DMXL2: variants seen among roughly 807,000 people sequenced by gnomAD.
DMXL2 encodes Dmx like 2.
DMXL2 carries 103 observed loss-of-function variants against 331.1 expected under a neutral mutation model. The observed-to-expected ratio is 0.31, with a 90% CI of 0.27 to 0.37. DMXL2 has a LOEUF of 0.37. Among genes scored for constraint, DMXL2 ranks in the 10% least tolerant of loss-of-function variants. The pLI is 1.00. For missense variants in DMXL2, 3,171 were observed against 3,642.9 expected (o/e 0.87, Z 3.33); for synonymous variants, 1,281 against 1,252.1 (o/e 1.02, Z -0.49).
intron 1 of DMXL2, among the ~76,000 whole-genome samples, chr15:51,586,250 T>A (rs1304058903): frequency 6.6e-6 from 1 of 152,190 alleles, no homozygotes. Flanking sequence ...AAAGGGACTG[T>A]TCCTCTTAGA....
Position 51,456,129 on chromosome 15 carries a change from G to C in DMXL2, c.8463C>G (p.Val2821=). The stretch of plus-strand genomic sequence containing the variant: ...TTGCATTGCCAGCTTGACGAAAGCA[G>C]ACAAGTTGCTGAGGCCGCGTCCATT... The part of the protein sequence containing the change: ...MFEWTRPQQL[V]CFRQAGNARV... Residue 2821 remains valine (V), a synonymous_variant, in exon 39 of 44, where the codon GTC becomes GTG. Transcript: ENST00000560891. 6.2e-7 allele frequency: 1 copy of C among 1,614,204 alleles called. No individual in the cohort carries two copies. The highest frequency in any genetic ancestry group is 8.5e-7 in the Non-Finnish European group (1 of 1,180,024).
Position 51,500,209 on chromosome 15 carries a change from A to T in DMXL2, c.3015T>A (p.Ile1005=). The T allele has an allele frequency of 6.2e-7, 1 of 1,603,802 alleles. No homozygotes were observed. Among genetic ancestry groups the T allele is most frequent in the South Asian group, 1.1e-5 (1 of 88,682 alleles). ...AATAAGGTGCAAGGCACACTGGATA[A>T]ATTGAAGAAGAACTCAGATGGCCTT... ...PSAGHLSSSS[I]YPVCLAPYLV... Residue 1005 remains isoleucine, a synonymous_variant, in exon 18 of 44, where the codon ATT becomes ATA. Coordinates refer to ENST00000560891, the MANE Select transcript of DMXL2 (RefSeq NM_001378457.1).
At chr15:51,527,814 G>C (rs1013413167) in intron 13 of DMXL2, among the ~76,000 whole-genome samples, 1 of 151,924 alleles carries the variant, frequency 6.6e-6, no homozygotes, top group Non-Finnish European at 1.5e-5. Flanking sequence ...TGTAACTGTG[G>C]TGTGTAAATT....
chr15:51,507,631 G>A (rs1026775418), intron 15 of DMXL2, among the ~76,000 whole-genome samples: 3 of 152,150 alleles, frequency 2.0e-5, no homozygotes, highest in African/African-American at 7.2e-5. Context: ...AGCAGCAGCA[G>A]AAGAATGGGA....
intron 26 of DMXL2, 50 bp from the exon 27 acceptor site, chr15:51,476,769 T>C (rs1351483285): frequency 1.3e-6 from 2 of 1,501,208 alleles, no homozygotes; most frequent in Non-Finnish European, 1.8e-6. Flanking sequence ...TAATAAAAAA[T>C]TGCACTTTAT....
At chr15:51,551,409 C>T (rs2049214300) in intron 6 of DMXL2, among the ~76,000 whole-genome samples, 1 of 152,070 alleles carries the variant, frequency 6.6e-6, no homozygotes. Context: ...TTTAACAGTT[C>T]ATATGTCTCT....
chr15:51,517,551 C>T (rs2047105945), intron 13 of DMXL2, among the ~76,000 whole-genome samples: 1 of 152,212 alleles, frequency 6.6e-6, no homozygotes, highest in African/African-American at 2.4e-5. Flanking sequence ...AGAAGTGGGA[C>T]TCTTGTGCCT....
At chr15:51,533,657 T>C (rs914865607) in intron 13 of DMXL2, among the ~76,000 whole-genome samples, 5 of 152,206 alleles carry the variant, frequency 3.3e-5, no homozygotes, top group Admixed American at 6.5e-5. Flanking sequence ...ACAAATCACC[T>C]CATGTAACTT....
At chr15:51,457,270 T>A (rs2039711462) in intron 37 of DMXL2, 58 bp downstream of exon 37, 6 of 1,565,412 alleles carry the variant, frequency 3.8e-6, no homozygotes. Flanking sequence ...TCAAAGAGAT[T>A]CCAACTGATT....
chr15:51,504,034 T>A (rs1030080530), intron 16 of DMXL2, among the ~76,000 whole-genome samples: 1 of 151,876 alleles, frequency 6.6e-6, no homozygotes, highest in Non-Finnish European at 1.5e-5. Flanking sequence ...CCTTATACAG[T>A]CCAGTGCTTA....
At chr15:51,567,623 G>C (rs1025266703) in intron 3 of DMXL2, 2 of 152,146 alleles carry the variant, frequency 1.3e-5, no homozygotes, top group Non-Finnish European at 2.9e-5. Flanking sequence ...ACAACACAAA[G>C]GCTCAAAGAG....
chr15:51,554,329 G>C (rs1247143326), intron 6 of DMXL2, among the ~76,000 whole-genome samples: 1 of 152,144 alleles, frequency 6.6e-6, no homozygotes, highest in East Asian at 1.9e-4. Flanking sequence ...AGACAAATCT[G>C]TGAGTTTTTT....
intron 1 of DMXL2, among the ~76,000 whole-genome samples, chr15:51,577,707 C>T (rs1006945874): frequency 2.0e-5 from 3 of 152,106 alleles, no homozygotes; most frequent in Admixed American, 6.6e-5. Context: ...AAATTTCCAA[C>T]GTGCCTTATA....
At chr15:51,532,248 G>A (rs993130402) in intron 13 of DMXL2, among the ~76,000 whole-genome samples, 4 of 151,920 alleles carry the variant, frequency 2.6e-5, no homozygotes, top group African/African-American at 9.7e-5. Context: ...TGGAACTGGA[G>A]GTCGTTATTT....
At chr15:51,597,445 C>T (rs1008700490) in intron 1 of DMXL2, among the ~76,000 whole-genome samples, 1 of 152,142 alleles carries the variant, frequency 6.6e-6, no homozygotes, top group African/African-American at 2.4e-5. Context: ...GCTTTTGTGT[C>T]TCTTTCTCTG....
rs1164167527 is a variant in DMXL2 at position 51,448,669 on chromosome 15, T to C, written c.*315A>G. 5.9e-6 allele frequency: 2 copies of C among 338,570 alleles called. No homozygotes were observed. Among genetic ancestry groups the C allele is most frequent in the African/African-American group, 4.2e-5 (2 of 47,904 alleles). The allele number at this position is 338,570 out of a possible 1,614,324, so 21.0% of individuals were successfully genotyped here. A position where few individuals can be genotyped will look rare whatever the true frequency, so the allele number is the denominator to read the frequency against. ...CAACATTTTCTTCCTTAATTTGGTATAAACGTCCTTTTCATTATTTCAAGT... is the reference window on the plus strand; with the variant it reads ...CAACATTTTCTTCCTTAATTTGGTACAAACGTCCTTTTCATTATTTCAAGT... On this transcript the variant is annotated 3_prime_UTR_variant, in exon 44 of 44. Coordinates refer to ENST00000560891, the MANE Select transcript of DMXL2 (RefSeq NM_001378457.1).
intron 41 of DMXL2, among the ~76,000 whole-genome samples, chr15:51,451,965 A>ATAAGGAATGCT: frequency 6.6e-6 from 1 of 152,330 alleles, no homozygotes; most frequent in African/African-American, 2.4e-5. Context: ...CTTCCTGAGT[A>ATAAGGAATGCT]TAAGGAATGC....
intron 14 of DMXL2, 48 bp from the exon 15 acceptor site, chr15:51,514,607 G>C (rs368259321): frequency 8.5e-7 from 1 of 1,177,832 alleles, no homozygotes; most frequent in Non-Finnish European, 1.2e-6. Context: ...GAAATTCCCT[G>C]TCTCCCATCT....
rs1298765635 is a variant in DMXL2, at chr15:51,499,367, T to G, written c.3857A>C (p.Asp1286Ala). 6.2e-7 allele frequency: 1 copy of G among 1,613,906 alleles called. No individual in the cohort carries two copies. The highest frequency in any genetic ancestry group is 1.3e-5 in the African/African-American group (1 of 75,058). Residue 1286 changes from aspartate to alanine, a missense_variant, in exon 18 of 44, where the codon GAT becomes GCT. Around this residue, in one of 7 missense-constraint regions of DMXL2, gnomAD observed 1,674 missense variants for 1,780.2 expected, o/e 0.94. Transcript: ENST00000560891. ...HAVKFGDTEA[D>A]SSNAEEAAMQ... ...TGCTGCCTCTTCTGCATTAGAACTA[T>G]CAGCTTCAGTGTCTCCAAATTTGAC...
Sources: allele counts gnomAD v4.1 joint callset (sites outside exome capture counted in the v4.1 genomes callset), GRCh38; gene constraint gnomAD v4.1.1; regional missense constraint gnomAD v4.1.1; transcripts MANE v1.5; gene names NCBI Gene and HGNC (gene_info 2026-07-23, HGNC 2026-07-21).